Variants in SLC16A5 observed in about 807,000 individuals in gnomAD.
SLC16A5 encodes the protein monocarboxylate transporter 6.
In SLC16A5, 29 loss-of-function variants were observed where a neutral mutation model predicts 33.2. The ratio of observed to expected loss-of-function variants is 0.87; its 90% CI spans 0.65 to 1.19. The LOEUF is 1.19. Ranked by LOEUF, SLC16A5 falls within the 50% of genes most tolerant of loss-of-function variation. SLC16A5 has a pLI of 0.00. For synonymous variants in SLC16A5, 248 were observed against 284.1 expected, an observed-to-expected ratio of 0.87 and a Z score of 1.28; for missense variants, 606 against 678.2, an observed-to-expected ratio of 0.89 and a Z score of 1.18.
At chr17:75,105,364 T>C in intron 6 of SLC16A5, 1 of 985,400 alleles carries the variant, frequency 1.0e-6, no homozygotes, top group Non-Finnish European at 1.2e-6. Context: ...GAGGAAGGCT[T>C]GCCAGGCAGC....
In SLC16A5 at chr17:75,100,043, CG is replaced by C; in HGVS notation, c.382del (p.Val128CysfsTer62). The C allele has an allele frequency of 1.9e-6, 3 of 1,612,734 alleles. No individual in the cohort carries two copies. Among genetic ancestry groups the C allele is most frequent in the East Asian group, 2.2e-5 (1 of 44,876 alleles). On this transcript the variant is annotated frameshift_variant, in exon 5 of 7. Transcript: ENST00000329783. LOFTEE classifies it high-confidence loss of function. ...TGCTTCAGCTTCCAGTCAAGCATCA[CG>C]GTGCTGGGCTTCTACTTTGTCCGCC... ...GMCFSFQSSI[T>X]VLGFYFVRRR...
At chr17:75,105,129 G>T in intron 6 of SLC16A5, 3 of 985,470 alleles carry the variant, frequency 3.0e-6, no homozygotes, top group Non-Finnish European at 3.6e-6. Flanking sequence ...GCAGTGCAGA[G>T]GTCCAGGCTG....
intron 3 of SLC16A5, 112 bp from the exon 4 acceptor site, chr17:75,097,926 G>A: frequency 7.8e-7 from 1 of 1,278,084 alleles, no homozygotes; most frequent in Non-Finnish European, 1.1e-6. Flanking sequence ...GCCTGCTCGT[G>A]CCCTTGAAAC....
downstream of SLC16A5, among the ~76,000 whole-genome samples, chr17:75,109,355 G>A (rs1192102810): frequency 6.6e-6 from 1 of 152,190 alleles, no homozygotes; most frequent in Non-Finnish European, 1.5e-5. This position sits in a 1 kb window ranked among gnomAD's most constrained non-coding sequence, Gnocchi z 5.0. Context: ...AGGGCGGGTC[G>A]GGGTCGCTAG....
Position 75,091,361 on chromosome 17 carries a change from C to T in SLC16A5, c.-49+2057C>T, listed in dbSNP as rs548595108. Among the ~76,000 whole-genome samples, 7 of 152,218 alleles carry T rather than the reference C, an allele frequency of 4.6e-5. No homozygotes were observed. In the South Asian group the frequency reaches 1.2e-3, roughly 27 times the overall value. The stretch of plus-strand genomic sequence containing the variant: ...TAGTTTGCTGGAGAAGCCCCATCTG[C>T]GATATTGCCTGGCCTGGAGCTGGGC... On this transcript the variant is annotated intron_variant, in intron 2 of 6. Transcript: ENST00000329783.
At position 75,105,958 on chromosome 17, in the gene SLC16A5, C is replaced by G; in HGVS notation, c.1443C>G (p.Ser481Arg). The G allele has an allele frequency of 6.2e-7, 1 of 1,612,238 alleles. No homozygotes were observed. The highest frequency in any genetic ancestry group is 8.5e-7 in the Non-Finnish European group (1 of 1,178,898). The change falls in exon 7 of 7, where the codon AGC becomes AGG. Residue 481 changes from serine (S) to arginine (R), a missense_variant. Transcript: ENST00000329783. ...LWGCPASSRT[S>R]HEWLLWPKAV... ...GATGTCCTGCCTCCTCCAGGACCAGCCATGAGTGGCTCTTATGGCCAAAGG... is the reference window on the plus strand; with the variant it reads ...GATGTCCTGCCTCCTCCAGGACCAGGCATGAGTGGCTCTTATGGCCAAAGG...
rs999812276 is a variant in SLC16A5 at position 75,098,066 on chromosome 17, C to T, written c.228C>T (p.Arg76=). The part of the protein sequence containing the change: ...AGPLCSILVG[R]FGCRVTVMLG... ...CCCTGTGCAGCATCCTGGTGGGACGCTTCGGCTGCCGAGTGACCGTGATGC... is the reference window on the plus strand; with the variant it reads ...CCCTGTGCAGCATCCTGGTGGGACGTTTCGGCTGCCGAGTGACCGTGATGC... Residue 76 remains arginine (R), a synonymous_variant, in exon 4 of 7, where the codon CGC becomes CGT. Coordinates refer to ENST00000329783, the MANE Select transcript of SLC16A5 (RefSeq NM_004695.4). 6.2e-7 allele frequency: 1 copy of T among 1,607,442 alleles called. No homozygotes were observed. The highest frequency in any genetic ancestry group is 8.5e-7 in the Non-Finnish European group (1 of 1,177,604).
chr17:75,098,097 G>A lies in SLC16A5; in HGVS notation c.259G>A (p.Gly87Ser). Residue 87 changes from glycine (G) to serine (S), a missense_variant, in exon 4 of 7, where the codon GGC becomes AGC. Physicochemically the swap from Gly to Ser is moderately conservative, Grantham distance 56 (BLOSUM62 0). Transcript: ENST00000329783. ...FGCRVTVMLG[G>S]VLASLGMVAS... The stretch of plus-strand genomic sequence containing the variant: ...CTGCCGAGTGACCGTGATGCTGGGG[G>A]GCGTGCTGGCCAGCCTGGGCATGGT... 1 of 1,609,976 alleles carries A rather than the reference G, an allele frequency of 6.2e-7. No homozygotes were observed. The highest frequency in any genetic ancestry group is 1.1e-5 in the South Asian group (1 of 90,460).
In SLC16A5 at chr17:75,100,680, C is replaced by G; in HGVS notation, c.1017C>G (p.Ser339Arg). Residue 339 changes from serine to arginine, a missense_variant, in exon 5 of 7, where the codon AGC (serine) becomes AGG (arginine). Ser to Arg is a moderately radical substitution (Grantham distance 110, BLOSUM62 -1). Transcript: ENST00000329783. Reference sequence around the variant, plus strand: ...TCGTGGGCTACTGCCTGGCGTACAGCGTGTCCATGAGTGGCATCGGCGCCC... The same window carrying G: ...TCGTGGGCTACTGCCTGGCGTACAGGGTGTCCATGAGTGGCATCGGCGCCC... ...WVLVGYCLAY[S>R]VSMSGIGALI... is the part of the protein sequence containing the mutation. 6.2e-7 allele frequency: 1 copy of G among 1,614,222 alleles called. No homozygotes were observed. Among genetic ancestry groups the G allele is most frequent in the Non-Finnish European group, 8.5e-7 (1 of 1,180,046 alleles).
intron 5 of SLC16A5, 98 bp downstream of exon 5, chr17:75,100,914 C>T: frequency 8.2e-7 from 1 of 1,223,142 alleles, no homozygotes; most frequent in Non-Finnish European, 1.1e-6. Context: ...GGTTGTGCTA[C>T]AGCTGGTTTC....
chr17:75,099,456 G>T (rs1201168091), intron 4 of SLC16A5, among the ~76,000 whole-genome samples: 2 of 152,106 alleles, frequency 1.3e-5, no homozygotes, highest in Admixed American at 1.3e-4. Context: ...TCACTCTGTT[G>T]CCCAGGCTGG....
At chr17:75,105,305 G>A (rs2073849471) in intron 6 of SLC16A5, 14 of 985,438 alleles carry the variant, frequency 1.4e-5, no homozygotes, top group Non-Finnish European at 1.7e-5. Context: ...TCTCCTTGGC[G>A]GGGAGGATTA....
At chr17:75,091,382 TG>T (rs945290720) in intron 2 of SLC16A5, among the ~76,000 whole-genome samples, 3 of 152,024 alleles carry the variant, frequency 2.0e-5, no homozygotes, top group African/African-American at 7.2e-5. Flanking sequence ...GGCCTGGAGC[TG>T]GGCCAGGAGG....
chr17:75,107,172 G>A (rs979908261), downstream of SLC16A5, among the ~76,000 whole-genome samples: 1 of 147,342 alleles, frequency 6.8e-6, no homozygotes, highest in Admixed American at 6.9e-5. Flanking sequence ...TGGTGGCACA[G>A]GCCTGTAGTC....
chr17:75,088,697 C>T (rs2073600166), intron 1 of SLC16A5, among the ~76,000 whole-genome samples: 4 of 152,062 alleles, frequency 2.6e-5, no homozygotes, highest in South Asian at 2.1e-4. Flanking sequence ...ATTTCCAGCC[C>T]GGGGCTCTCC....
At chr17:75,109,391 T>C (rs2073888591), downstream of SLC16A5, among the ~76,000 whole-genome samples, 1 of 151,792 alleles carries the variant, frequency 6.6e-6, no homozygotes, top group Non-Finnish European at 1.5e-5. The surrounding 1 kb of genome is among the most constrained non-coding windows in gnomAD (Gnocchi z 5.0). Flanking sequence ...GGCAAAGGAC[T>C]GATGGGGGGC....
intron 3 of SLC16A5, among the ~76,000 whole-genome samples, chr17:75,095,610 A>T (rs868662066): frequency 6.6e-6 from 1 of 151,246 alleles, no homozygotes; most frequent in Non-Finnish European, 1.5e-5. Flanking sequence ...CGATCCTGCC[A>T]CCTCAGCCTC....
downstream of SLC16A5, among the ~76,000 whole-genome samples, chr17:75,109,430 G>A (rs2145104733): frequency 6.6e-6 from 1 of 152,276 alleles, no homozygotes; most frequent in African/African-American, 2.4e-5. This position sits in a 1 kb window ranked among gnomAD's most constrained non-coding sequence, Gnocchi z 5.0. Flanking sequence ...CGCTCCAAAG[G>A]GGCGTCCTGG....
intron 6 of SLC16A5, chr17:75,105,111 C>T (rs910058899): frequency 3.0e-6 from 3 of 985,428 alleles, no homozygotes; most frequent in Admixed American, 6.1e-5. Context: ...CATTGGGCCT[C>T]GCACTGGGCA....
Sources: gnomAD v4.1 joint callset for allele counts (sites outside exome capture counted in the v4.1 genomes callset) on GRCh38, gnomAD v4.1.1 for gene constraint, Gnocchi (gnomAD v3.1) non-coding constraint, MANE v1.5 for transcripts, NCBI Gene and HGNC (gene_info 2026-07-23, HGNC 2026-07-21) for gene names.